ADIRF: variants seen among roughly 807,000 people sequenced by gnomAD.
The protein encoded by ADIRF is adipogenesis regulatory factor, also known as adipogenesis factor rich in obesity.
A neutral mutation model predicts 7.8 loss-of-function variants in ADIRF; 9 were observed. That is an observed-to-expected ratio of 1.15 (90% CI 0.70 to 2.01). The LOEUF (loss-of-function observed/expected upper bound fraction) is 2.01, where lower values mean the gene tolerates loss of function less well. ADIRF is among the 30% of genes most tolerant of loss of function. The probability of loss-of-function intolerance (pLI) is 0.00; values close to 1 mark genes in which losing one functional copy is unlikely to be tolerated. For missense variants in ADIRF, 106 were observed against 98.1 expected (o/e 1.08, Z -0.34); for synonymous variants, 48 against 39.9 (o/e 1.20, Z -0.77).
At position 86,970,816 on chromosome 10, in the gene ADIRF, C is replaced by G; in HGVS notation, c.*234C>G. On this transcript the variant is annotated 3_prime_UTR_variant, in exon 3 of 3. Transcript: ENST00000372013. Reference sequence around the variant, plus strand: ...GAGCCACCGTAGCCGGAGTCCTAGCCTCCCAAATTCGGAAATCCAATCCAA... The same window carrying G: ...GAGCCACCGTAGCCGGAGTCCTAGCGTCCCAAATTCGGAAATCCAATCCAA... The G allele has an allele frequency of 1.7e-6, 1 of 605,758 alleles. No individual in the cohort carries two copies. Among genetic ancestry groups the G allele is most frequent in the Non-Finnish European group, 3.1e-6 (1 of 323,698 alleles). 37.5% of individuals were successfully genotyped at this position (605,758 alleles called of 1,614,324 possible).
At position 86,970,487 on chromosome 10, in the gene ADIRF, C is replaced by G; in HGVS notation, c.136C>G (p.Leu46Val). The change falls in exon 3 of 3, where the codon CTG becomes GTG. Residue 46 changes from leucine (L) to valine (V), a missense_variant. By Grantham distance (32) the Leu-to-Val change is conservative (BLOSUM62 1). Coordinates refer to ENST00000372013, the MANE Select transcript of ADIRF (RefSeq NM_006829.3). ...TEAGQKAMDQ[L>V]AKTTQETIDK... ...CCGCCCTTCCCCAGCCATGGACCAGCTGGCCAAGACCACCCAGGAAACCAT... is the reference window on the plus strand; with the variant it reads ...CCGCCCTTCCCCAGCCATGGACCAGGTGGCCAAGACCACCCAGGAAACCAT... 6.2e-7 allele frequency: 1 copy of G among 1,613,120 alleles called. No individual in the cohort carries two copies. Among genetic ancestry groups the G allele is most frequent in the Non-Finnish European group, 8.5e-7 (1 of 1,179,598 alleles).
In ADIRF at chr10:86,970,896, G is replaced by C; in HGVS notation, c.*314G>C. ...CGCGCCTCCCGAAGCTCCCAGACCG[G>C]AGGCTCAGCCCCCATCTCGGTTAGT... On this transcript the variant is annotated 3_prime_UTR_variant, in exon 3 of 3. Coordinates refer to ENST00000372013, the MANE Select transcript of ADIRF (RefSeq NM_006829.3). 2.2e-6 allele frequency: 1 copy of C among 460,376 alleles called. No homozygotes were observed. The highest frequency in any genetic ancestry group is 4.3e-6 in the Non-Finnish European group (1 of 232,322). The allele number at this position is 460,376 out of a possible 1,614,324, so 28.5% of individuals were successfully genotyped here. A position where few individuals can be genotyped will look rare whatever the true frequency, so the allele number is the denominator to read the frequency against.
rs772490639 is a variant in ADIRF at position 86,970,252 on chromosome 10, G to A, written c.114G>A (p.Ala38=). The A allele has an allele frequency of 1.2e-5, 18 of 1,459,380 alleles. No individual in the cohort carries two copies. The highest frequency in any genetic ancestry group is 1.3e-5 in the Non-Finnish European group (14 of 1,102,806). The allele number at this position is 1,459,380 out of a possible 1,614,324, so 90.4% of individuals were successfully genotyped here. Residue 38 remains alanine (A), a synonymous_variant, in exon 2 of 3, where the codon GCG becomes GCA. Coordinates refer to ENST00000372013, the MANE Select transcript of ADIRF (RefSeq NM_006829.3). ...AQQVVDQATE[A]GQKAMDQLAK... ...AAGTGGTGGACCAGGCCACAGAGGC[G>A]GGGCAGAAAGGTCTGGTGGGGCTGG...
rs4869 is a variant in ADIRF at position 86,970,555 on chromosome 10, T to C, written c.204T>C (p.Ile68=). The C allele has an allele frequency of 0.54, 873,210 of 1,611,442 alleles. 240,544 individuals are homozygous for C. Among genetic ancestry groups the C allele is most frequent in the East Asian group, 0.79 (35,306 of 44,818 alleles). ...ANQASDTFSG[I]GKKFGLLK is the part of the protein sequence containing the mutation. ...AGGCCTCTGACACCTTCTCTGGGAT[T>C]GGGAAAAAATTCGGCCTCCTGAAAT... Residue 68 remains isoleucine, a synonymous_variant, in exon 3 of 3, where the codon ATT becomes ATC. Coordinates refer to ENST00000372013, the MANE Select transcript of ADIRF (RefSeq NM_006829.3).
chr10:86,969,356 T>A (rs1020944280), intron 1 of ADIRF: 1 of 152,264 alleles, frequency 6.6e-6, no homozygotes, highest in African/African-American at 2.4e-5. Flanking sequence ...CTTCTGGGCT[T>A]CACTTTTCCA....
chr10:86,970,492 C>T lies in ADIRF; in HGVS notation c.141C>T (p.Ala47=). 1 of 1,613,312 alleles carries T rather than the reference C, an allele frequency of 6.2e-7. No individual in the cohort carries two copies. The highest frequency in any genetic ancestry group is 8.5e-7 in the Non-Finnish European group (1 of 1,179,706). The change falls in exon 3 of 3, where the codon GCC becomes GCT. Residue 47 remains alanine (A), a synonymous_variant. Transcript: ENST00000372013. ...CTTCCCCAGCCATGGACCAGCTGGCCAAGACCACCCAGGAAACCATCGACA... is the reference window on the plus strand; with the variant it reads ...CTTCCCCAGCCATGGACCAGCTGGCTAAGACCACCCAGGAAACCATCGACA... ...EAGQKAMDQL[A]KTTQETIDKT...
Position 86,970,513 on chromosome 10 carries a change from C to A in ADIRF, c.162C>A (p.Ile54=), listed in dbSNP as rs367987618. The part of the protein sequence containing the change: ...DQLAKTTQET[I]DKTANQASDT... Reference sequence around the variant, plus strand: ...TGGCCAAGACCACCCAGGAAACCATCGACAAGACTGCTAACCAGGCCTCTG... The same window carrying A: ...TGGCCAAGACCACCCAGGAAACCATAGACAAGACTGCTAACCAGGCCTCTG... Residue 54 remains isoleucine, a synonymous_variant, in exon 3 of 3, where the codon ATC becomes ATA. Coordinates refer to ENST00000372013, the MANE Select transcript of ADIRF (RefSeq NM_006829.3). 2 of 1,613,768 alleles carry A rather than the reference C, an allele frequency of 1.2e-6. No homozygotes were observed. Among genetic ancestry groups the A allele is most frequent in the Admixed American group, 3.3e-5 (2 of 59,968 alleles).
At chr10:86,970,018 A>G (rs1267865236) in intron 1 of ADIRF, 182 bp from the exon 2 acceptor site, 2 of 446,460 alleles carry the variant, frequency 4.5e-6, no homozygotes, top group Non-Finnish European at 7.7e-6. Flanking sequence ...TCCCAGAGGC[A>G]TGGAAAGGTC....
chr10:86,968,881 G>A (rs1238888780), intron 1 of ADIRF: 1 of 440,956 alleles, frequency 2.3e-6, no homozygotes, highest in East Asian at 4.5e-5. Flanking sequence ...CTGGCGCTGG[G>A]CGGCCCGCCC....
chr10:86,970,757 G>C lies in ADIRF; in HGVS notation c.*175G>C, dbSNP rs966198319. The C allele has an allele frequency of 4.4e-6, 3 of 680,060 alleles. No homozygotes were observed. Among genetic ancestry groups the C allele is most frequent in the East Asian group, 3.0e-5 (1 of 33,888 alleles). The allele number at this position is 680,060 out of a possible 1,614,324, so 42.1% of individuals were successfully genotyped here. The stretch of plus-strand genomic sequence containing the variant: ...CCCTGTGTCCACTTCATGATTCCTC[G>C]CAAGCTGGGCCCAGTCCTCTCATCC... On this transcript the variant is annotated 3_prime_UTR_variant, in exon 3 of 3. Coordinates refer to ENST00000372013, the MANE Select transcript of ADIRF (RefSeq NM_006829.3).
intron 1 of ADIRF, 177 bp downstream of exon 1, chr10:86,968,782 G>A: frequency 1.6e-6 from 1 of 643,738 alleles, no homozygotes; most frequent in East Asian, 3.1e-5. Context: ...GCAGACAGAT[G>A]GTGCCCGCAG....
intron 1 of ADIRF, chr10:86,969,387 G>A (rs1209278802): frequency 6.6e-6 from 1 of 152,296 alleles, no homozygotes; most frequent in African/African-American, 2.4e-5. Context: ...GGGTGCAAAG[G>A]ATGGGCTGCT....
In ADIRF at chr10:86,970,616, A is replaced by G. The variant is rs766525730; in HGVS notation, c.*34A>G. On this transcript the variant is annotated 3_prime_UTR_variant, in exon 3 of 3. Coordinates refer to ENST00000372013, the MANE Select transcript of ADIRF (RefSeq NM_006829.3). The stretch of plus-strand genomic sequence containing the variant: ...AGACTTGGGTCGGCCTCCTGAAATG[A>G]CAGCAGGGAGACTTGGGTGACCCCC... 3 of 1,556,248 alleles carry G rather than the reference A, an allele frequency of 1.9e-6. No homozygotes were observed. In the South Asian group the frequency reaches 3.5e-5, roughly 18 times the overall value.
chr10:86,968,775 G>A (rs775891208), intron 1 of ADIRF, 170 bp downstream of exon 1: 4 of 680,228 alleles, frequency 5.9e-6, no homozygotes, highest in Admixed American at 3.3e-5. Flanking sequence ...CCGGCGAGCA[G>A]ACAGATGGTG....
At position 86,970,497 on chromosome 10, in the gene ADIRF, C is replaced by T; in HGVS notation, c.146C>T (p.Thr49Ile). The T allele has an allele frequency of 6.2e-7, 1 of 1,613,574 alleles. No homozygotes were observed. Among genetic ancestry groups the T allele is most frequent in the South Asian group, 1.1e-5 (1 of 90,882 alleles). ...CCAGCCATGGACCAGCTGGCCAAGA[C>T]CACCCAGGAAACCATCGACAAGACT... Reference protein sequence around the residue: ...GQKAMDQLAKTTQETIDKTAN... With the variant: ...GQKAMDQLAKITQETIDKTAN... Residue 49 changes from threonine to isoleucine, a missense_variant, in exon 3 of 3, where the codon ACC becomes ATC. Physicochemically the swap from Thr to Ile is moderately conservative, Grantham distance 89 (BLOSUM62 -1). Transcript: ENST00000372013.
intron 1 of ADIRF, 22 bp downstream of exon 1, chr10:86,968,627 G>C: frequency 6.2e-7 from 1 of 1,609,376 alleles, no homozygotes; most frequent in Non-Finnish European, 8.5e-7. Context: ...GCGCGACCTA[G>C]GGCTCAGGCA....
rs1038948443 is a variant in ADIRF, at chr10:86,970,589, G to A, written c.*7G>A. The A allele has an allele frequency of 6.2e-7, 1 of 1,601,416 alleles. No homozygotes were observed. Among genetic ancestry groups the A allele is most frequent in the East Asian group, 2.2e-5 (1 of 44,714 alleles). On this transcript the variant is annotated 3_prime_UTR_variant, in exon 3 of 3. Coordinates refer to ENST00000372013, the MANE Select transcript of ADIRF (RefSeq NM_006829.3). ...ATTCGGCCTCCTGAAATGACAGCAG[G>A]GAGACTTGGGTCGGCCTCCTGAAAT...
intron 1 of ADIRF, chr10:86,969,956 G>C (rs1334557846): frequency 3.0e-6 from 1 of 337,604 alleles, no homozygotes; most frequent in Non-Finnish European, 5.3e-6. Context: ...GATGGAAAGG[G>C]AAGCTCCTCC....
intron 1 of ADIRF, chr10:86,969,332 T>C (rs1314456659): frequency 2.0e-5 from 3 of 152,320 alleles, no homozygotes; most frequent in Non-Finnish European, 2.9e-5. Context: ...GAAGCCTCCG[T>C]GTCAGGTCCC....
Sources: gnomAD v4.1 joint callset for allele counts on GRCh38, gnomAD v4.1.1 for gene constraint, MANE v1.5 for transcripts, NCBI Gene and HGNC (gene_info 2026-07-23, HGNC 2026-07-21) for gene names.